Variants in RBFOX1 observed in about 807,000 individuals in gnomAD.
The protein encoded by RBFOX1 is RNA binding fox-1 homolog 1, also known as RNA binding protein fox-1 homolog 1.
In RBFOX1, 8 loss-of-function variants were observed where a neutral mutation model predicts 57.7. That is an observed-to-expected ratio of 0.14 (90% CI 0.08 to 0.25). RBFOX1 has a LOEUF of 0.25. RBFOX1 is among the 10% of genes least tolerant of loss of function. The probability of loss-of-function intolerance (pLI) is 1.00; values close to 1 mark genes in which losing one functional copy is unlikely to be tolerated. For synonymous variants in RBFOX1, 326 were observed against 222.4 expected, an observed-to-expected ratio of 1.47 and a Z score of -4.15; for missense variants, 611 against 548.5, an observed-to-expected ratio of 1.11 and a Z score of -1.14.
intron 3 of RBFOX1, among the ~76,000 whole-genome samples, chr16:6,966,055 C>A (rs9788856): frequency 0.094 from 14,277 of 152,080 alleles, 921 homozygotes; most frequent in East Asian, 0.24. Context: ...GAAATAAGAA[C>A]CTGGACTTTG....
At chr16:6,106,577 C>T (rs2096382347) in intron 1 of RBFOX1, among the ~76,000 whole-genome samples, 1 of 151,982 alleles carries the variant, frequency 6.6e-6, no homozygotes, top group Non-Finnish European at 1.5e-5. Flanking sequence ...GACTTTCGTT[C>T]AGAAAGACTT....
At chr16:5,294,413 A>G (rs1429634154) in intron 1 of RBFOX1, among the ~76,000 whole-genome samples, 2 of 152,154 alleles carry the variant, frequency 1.3e-5, no homozygotes, top group Admixed American at 6.5e-5. Context: ...GAACTTGTTC[A>G]TGTTTTACTT....
At chr16:7,189,115 A>C (rs1260893758) in intron 4 of RBFOX1, among the ~76,000 whole-genome samples, 1 of 151,780 alleles carries the variant, frequency 6.6e-6, no homozygotes, top group Non-Finnish European at 1.5e-5. Context: ...TCAGGTAATA[A>C]GGAGTGATTT....
chr16:7,501,526 C>G (rs1300479429), intron 4 of RBFOX1, among the ~76,000 whole-genome samples: 1 of 152,168 alleles, frequency 6.6e-6, no homozygotes, highest in Non-Finnish European at 1.5e-5. Flanking sequence ...CTTTACAATC[C>G]AGTAGCCTCC....
At chr16:5,659,936 G>A (rs1223726893) in intron 3 of RBFOX1, among the ~76,000 whole-genome samples, 1 of 152,110 alleles carries the variant, frequency 6.6e-6, no homozygotes, top group Non-Finnish European at 1.5e-5. Context: ...GTTATTTAAT[G>A]CATTAATACA....
Position 7,117,241 on chromosome 16 carries a change from C to T in RBFOX1, c.27+65143C>T, listed in dbSNP as rs144167378. On this transcript the variant is annotated intron_variant, in intron 4 of 15. Coordinates refer to ENST00000550418, the MANE Select transcript of RBFOX1 (RefSeq NM_018723.4). ...CAAGGGCATTGACACATGTTAAACT[C>T]GGGAAAAACTGATCGTTTCATTGTA... Among the ~76,000 whole-genome samples, 46 of 152,142 alleles carry T rather than the reference C, an allele frequency of 3.0e-4. 1 individual carries two copies. In the South Asian group the frequency reaches 6.0e-3, roughly 20 times the overall value.
chr16:7,386,837 C>T (rs112502085), intron 4 of RBFOX1, among the ~76,000 whole-genome samples: 2 of 152,108 alleles, frequency 1.3e-5, no homozygotes, highest in Non-Finnish European at 2.9e-5. Context: ...AATTTACACT[C>T]CTACCAACAG....
At chr16:5,487,963 G>T (rs2042689941) in intron 2 of RBFOX1, among the ~76,000 whole-genome samples, 1 of 152,082 alleles carries the variant, frequency 6.6e-6, no homozygotes, top group African/African-American at 2.4e-5. Context: ...GGGAGAAGAT[G>T]ATTATGGTGA....
intron 4 of RBFOX1, among the ~76,000 whole-genome samples, chr16:7,421,749 C>G (rs1402191301): frequency 2.0e-5 from 3 of 152,228 alleles, no homozygotes; most frequent in African/African-American, 7.2e-5. Context: ...TTGTTTGGTT[C>G]TGCGTTTCTG....
intron 1 of RBFOX1, among the ~76,000 whole-genome samples, chr16:5,464,736 T>C (rs139063662): frequency 1.3e-5 from 2 of 152,020 alleles, no homozygotes; most frequent in African/African-American, 2.4e-5. Flanking sequence ...AGCTGTGTAG[T>C]TGATAATGTG....
At chr16:7,388,827 A>T (rs538556086) in intron 4 of RBFOX1, among the ~76,000 whole-genome samples, 2 of 152,194 alleles carry the variant, frequency 1.3e-5, no homozygotes, top group African/African-American at 4.8e-5. Flanking sequence ...TCTTTAAGGT[A>T]GAGAAGACAA....
intron 1 of RBFOX1, among the ~76,000 whole-genome samples, chr16:5,452,442 A>G (rs2068455921): frequency 6.6e-6 from 1 of 151,620 alleles, no homozygotes; most frequent in Non-Finnish European, 1.5e-5. Flanking sequence ...CTCACATCTG[A>G]TTGTCACTGG....
intron 3 of RBFOX1, among the ~76,000 whole-genome samples, chr16:6,980,306 C>G (rs2088385453): frequency 6.6e-6 from 1 of 152,148 alleles, no homozygotes; most frequent in South Asian, 2.1e-4. Flanking sequence ...AATAGTTCTT[C>G]CGTTAAATAT....
At chr16:7,519,684 A>G (rs1054616103) in intron 5 of RBFOX1, 62 of 985,320 alleles carry the variant, frequency 6.3e-5, no homozygotes, top group Non-Finnish European at 7.5e-5. Context: ...GGGAACCCCA[A>G]TCCTGTCGTC....
intron 1 of RBFOX1, among the ~76,000 whole-genome samples, chr16:5,373,702 C>G (rs1274069507): frequency 6.7e-6 from 1 of 149,054 alleles, no homozygotes; most frequent in Non-Finnish European, 1.5e-5. Context: ...CTCCCGGGTT[C>G]AGGCTATTCT....
At chr16:6,839,049 A>G (rs922205653) in intron 3 of RBFOX1, among the ~76,000 whole-genome samples, 1 of 151,304 alleles carries the variant, frequency 6.6e-6, no homozygotes, top group Non-Finnish European at 1.5e-5. Context: ...CAGTGCTGTG[A>G]TCTTGGCTCC....
intron 2 of RBFOX1, among the ~76,000 whole-genome samples, chr16:6,636,395 C>G (rs997685129): frequency 6.6e-6 from 1 of 152,100 alleles, no homozygotes; most frequent in South Asian, 2.1e-4. Flanking sequence ...TGGTCTCGAT[C>G]TCCTGACTTC....
At chr16:5,966,991 C>T (rs1008297632) in intron 4 of RBFOX1, among the ~76,000 whole-genome samples, 2 of 30,658 alleles carry the variant, frequency 6.5e-5, no homozygotes, top group African/African-American at 1.9e-4. Context: ...TGCACTAAAT[C>T]GGGGGGGGGG....
At chr16:5,926,310 A>G (rs1455980371) in intron 4 of RBFOX1, among the ~76,000 whole-genome samples, 1 of 152,170 alleles carries the variant, frequency 6.6e-6, no homozygotes, top group African/African-American at 2.4e-5. Flanking sequence ...CCTATGTGTA[A>G]AATTGGTATA....
Sources: allele counts gnomAD v4.1 joint callset (sites outside exome capture counted in the v4.1 genomes callset), GRCh38; gene constraint gnomAD v4.1.1; transcripts MANE v1.5; gene names NCBI Gene and HGNC (gene_info 2026-07-23, HGNC 2026-07-21).